GSPT1: variants seen among roughly 807,000 people sequenced by gnomAD.
GSPT1 encodes the protein G1 to S phase transition 1.
A neutral mutation model predicts 72.5 loss-of-function variants in GSPT1; 20 were observed. The observed-to-expected ratio is 0.28, with a 90% CI of 0.19 to 0.40. The LOEUF is 0.40. Among genes scored for constraint, GSPT1 ranks in the 10% least tolerant of loss-of-function variants. The pLI is 1.00. For missense variants in GSPT1, 580 were observed against 811.9 expected (o/e 0.71, Z 3.47); for synonymous variants, 334 against 293.5 (o/e 1.14, Z -1.41).
At chr16:11,915,338 C>T in intron 1 of GSPT1, 31 bp downstream of exon 1, 1 of 1,436,024 alleles carries the variant, frequency 7.0e-7, no homozygotes, top group South Asian at 1.4e-5. Context: ...CGGCGCCCGG[C>T]CGGACTTCCT....
At chr16:11,893,726 T>A (rs1354522905) in intron 5 of GSPT1, among the ~76,000 whole-genome samples, 1 of 151,972 alleles carries the variant, frequency 6.6e-6, no homozygotes, top group East Asian at 1.9e-4. Context: ...CAGCAAAAAA[T>A]ATACACTGTC....
chr16:11,884,943 C>T (rs2054168937), intron 10 of GSPT1, among the ~76,000 whole-genome samples: 1 of 151,570 alleles, frequency 6.6e-6, no homozygotes, highest in Non-Finnish European at 1.5e-5. Flanking sequence ...TGGCGGGAGC[C>T]TGTAGTCCTA....
Position 11,877,637 on chromosome 16 carries a change from T to A in GSPT1, c.1429-57A>T. 9.7e-7 allele frequency: 1 copy of A among 1,031,366 alleles called. No individual in the cohort carries two copies. The highest frequency in any genetic ancestry group is 1.4e-6 in the Non-Finnish European group (1 of 717,952). 63.9% of individuals were successfully genotyped at this position (1,031,366 alleles called of 1,614,324 possible). ...GACACATTCACTGCATTACGCAACA[T>A]AAAATGATCTGAATGTCTGTCTGCT... On this transcript the variant is annotated intron_variant, in intron 11 of 14. Coordinates refer to ENST00000434724, the MANE Select transcript of GSPT1 (RefSeq NM_002094.4). This position sits in a 1 kb window ranked among gnomAD's most constrained non-coding sequence, Gnocchi z 4.0.
At chr16:11,891,717 C>G (rs780288768) in intron 5 of GSPT1, among the ~76,000 whole-genome samples, 1 of 141,132 alleles carries the variant, frequency 7.1e-6, no homozygotes, top group Non-Finnish European at 1.5e-5. Flanking sequence ...GGGTGGAGTG[C>G]AGTGGCGTGA....
At chr16:11,886,690 G>C (rs560938260) in intron 8 of GSPT1, 79 bp from the exon 9 acceptor site, 1 of 1,551,678 alleles carries the variant, frequency 6.4e-7, no homozygotes, top group Non-Finnish European at 8.8e-7. Flanking sequence ...ACAGATTAAG[G>C]TTTAGAAAAA....
chr16:11,881,836 T>C (rs1413129259), intron 11 of GSPT1: 4 of 151,886 alleles, frequency 2.6e-5, no homozygotes, highest in African/African-American at 9.7e-5. Flanking sequence ...TAATTTTATT[T>C]TTCACAGAGA....
chr16:11,899,650 CAG>C (rs1465069621), intron 1 of GSPT1, among the ~76,000 whole-genome samples: 3 of 152,242 alleles, frequency 2.0e-5, no homozygotes, highest in African/African-American at 4.8e-5. Flanking sequence ...CAACACAATA[CAG>C]ATTAACTTTT....
intron 1 of GSPT1, among the ~76,000 whole-genome samples, chr16:11,904,573 T>C (rs761608218): frequency 5.3e-5 from 8 of 151,918 alleles, no homozygotes; most frequent in Non-Finnish European, 1.2e-4. Flanking sequence ...GCTATGATCA[T>C]GGGTCAAAGG....
intron 1 of GSPT1, 128 bp from the exon 2 acceptor site, chr16:11,898,163 T>C: frequency 1.6e-6 from 1 of 640,034 alleles, no homozygotes; most frequent in Non-Finnish European, 2.8e-6. Flanking sequence ...CCCAGATCAA[T>C]GGCAGCTAAC....
chr16:11,907,605 T>C (rs1450574264), intron 1 of GSPT1, among the ~76,000 whole-genome samples: 1 of 136,608 alleles, frequency 7.3e-6, no homozygotes, highest in African/African-American at 3.7e-5. Context: ...AGGCATGCCC[T>C]TCCCGCCCCC....
At chr16:11,885,377 A>T (rs2054175187) in intron 9 of GSPT1, 103 bp from the exon 10 acceptor site, 3 of 659,730 alleles carry the variant, frequency 4.5e-6, no homozygotes, top group Non-Finnish European at 8.3e-6. Context: ...CATTCTACTC[A>T]TGTATTCTTC....
At chr16:11,892,527 AAAAAC>A (rs2054278756) in intron 5 of GSPT1, among the ~76,000 whole-genome samples, 1 of 144,346 alleles carries the variant, frequency 6.9e-6, no homozygotes, top group Admixed American at 6.8e-5. Flanking sequence ...AAAAAACAAA[AAAAAC>A]AAAAAATAAA....
intron 1 of GSPT1, among the ~76,000 whole-genome samples, chr16:11,905,994 T>G (rs1361556802): frequency 1.3e-5 from 2 of 152,238 alleles, no homozygotes; most frequent in Non-Finnish European, 2.9e-5. Flanking sequence ...TTGTATAGAA[T>G]AAATACACAA....
At chr16:11,914,322 GAGAATA>G in intron 1 of GSPT1, among the ~76,000 whole-genome samples, 1 of 152,198 alleles carries the variant, frequency 6.6e-6, no homozygotes, top group Non-Finnish European at 1.5e-5. Context: ...GCACCATTAT[GAGAATA>G]CATAAGTTCA....
At chr16:11,909,898 C>G (rs1295795479) in intron 1 of GSPT1, among the ~76,000 whole-genome samples, 6 of 151,960 alleles carry the variant, frequency 3.9e-5, no homozygotes, top group African/African-American at 1.5e-4. Context: ...TGCACTCCAG[C>G]CTGTGACAGA....
chr16:11,909,024 G>A (rs999566342), intron 1 of GSPT1: 8 of 151,450 alleles, frequency 5.3e-5, no homozygotes, highest in Admixed American at 1.3e-4. Context: ...AAGTAGTATG[G>A]TAACATACTG....
rs1567440524 is a variant in GSPT1, at chr16:11,887,759, A to G, written c.777-9T>C. The G allele has an allele frequency of 6.3e-7, 1 of 1,575,856 alleles. No homozygotes were observed. The highest frequency in any genetic ancestry group is 1.8e-5 in the Admixed American group (1 of 54,274). ...AGGCCCAAGACAAGTACCTGAAATAATTTTTAAAAAAAGAACAATATTCCT... is the reference window on the plus strand; with the variant it reads ...AGGCCCAAGACAAGTACCTGAAATAGTTTTTAAAAAAAGAACAATATTCCT... On this transcript the variant is annotated splice_polypyrimidine_tract_variant and intron_variant, in intron 6 of 14. Transcript: ENST00000434724.
chr16:11,872,293 C>T lies in GSPT1; in HGVS notation c.*826G>A, dbSNP rs777898599. 6.6e-5 allele frequency: 10 copies of T among 151,610 alleles called. No individual in the cohort carries two copies. The highest frequency in any genetic ancestry group is 1.2e-4 in the Non-Finnish European group (8 of 67,946). The allele number at this position is 151,610 out of a possible 1,614,324, so 9.4% of individuals were successfully genotyped here. A position where few individuals can be genotyped will look rare whatever the true frequency, so the allele number is the denominator to read the frequency against. On this transcript the variant is annotated 3_prime_UTR_variant, in exon 15 of 15. Coordinates refer to ENST00000434724, the MANE Select transcript of GSPT1 (RefSeq NM_002094.4). ...TTTCTCTAGGGGTACAATTTCATTA[C>T]GCTTTACTTATAAAAACTACAGTAT...
chr16:11,915,955 G>C lies in GSPT1; in HGVS notation c.-235C>G. ...TCAACCCTCCTCCTCGTGTGTGTGA[G>C]CGGATCTCCTCCCACCCAACCACCT... is the stretch of plus-strand genomic sequence containing the variant. On this transcript the variant is annotated 5_prime_UTR_variant, in exon 1 of 15. Transcript: ENST00000434724. 2 of 736,526 alleles carry C rather than the reference G, an allele frequency of 2.7e-6. No homozygotes were observed. Among genetic ancestry groups the C allele is most frequent in the Non-Finnish European group, 5.0e-6 (2 of 403,452 alleles). 45.6% of individuals were successfully genotyped at this position (736,526 alleles called of 1,614,324 possible). A position where few individuals can be genotyped will look rare whatever the true frequency, so the allele number is the denominator to read the frequency against.
Sources: allele counts gnomAD v4.1 joint callset (sites outside exome capture counted in the v4.1 genomes callset), GRCh38; gene constraint gnomAD v4.1.1; non-coding constraint Gnocchi (gnomAD v3.1); transcripts MANE v1.5; gene names NCBI Gene and HGNC (gene_info 2026-07-23, HGNC 2026-07-21).